ATRX: variants seen among roughly 807,000 people sequenced by gnomAD.
ATRX encodes the protein chromatin remodeler ATRX.
A neutral mutation model predicts 172.6 loss-of-function variants in ATRX; 12 were observed. The observed-to-expected ratio is 0.07, with a 90% confidence interval of 0.04 to 0.11. The LOEUF is 0.11. Among genes scored for constraint, ATRX ranks in the 10% least tolerant of loss-of-function variants. The probability of loss-of-function intolerance (pLI) is 1.00; values close to 1 mark genes in which losing one functional copy is unlikely to be tolerated. For missense variants in ATRX, 1,368 were observed against 1,767.4 expected (o/e 0.77, Z 4.05); for synonymous variants, 674 against 594.7 (o/e 1.13, Z -1.94).
At chrX:77,663,970 G>A (rs1219586053) in intron 11 of ATRX, among the ~76,000 whole-genome samples, 5 of 109,820 alleles carry the variant, frequency 4.6e-5, no homozygotes, top group African/African-American at 9.9e-5. Context: ...GTGTGGTGGC[G>A]CATGCCTATA....
At chrX:77,571,681 T>C (rs782327512) in intron 28 of ATRX, among the ~76,000 whole-genome samples, 4 of 111,485 alleles carry the variant, frequency 3.6e-5, no homozygotes, top group Non-Finnish European at 7.6e-5. Context: ...TATGCAAACA[T>C]TGAAACACTG....
chrX:77,654,025 A>C, intron 14 of ATRX, 73 bp downstream of exon 14: 1 of 854,235 alleles, frequency 1.2e-6, no homozygotes, highest in Non-Finnish European at 1.7e-6. Flanking sequence ...AATGGAACAG[A>C]GAGGTAACAG....
intron 27 of ATRX, among the ~76,000 whole-genome samples, chrX:77,574,716 G>A (rs1195574566): frequency 1.8e-5 from 2 of 111,525 alleles, no homozygotes; most frequent in East Asian, 2.8e-4. Flanking sequence ...AAATGGCCAC[G>A]TTTTTCTCCT....
intron 15 of ATRX, among the ~76,000 whole-genome samples, chrX:77,646,783 G>T (rs1267874003): frequency 9.1e-6 from 1 of 109,462 alleles, no homozygotes; most frequent in African/African-American, 3.3e-5. Context: ...AATTAGCTGG[G>T]GTGGTGGCAT....
chrX:77,688,990 C>T, intron 6 of ATRX, 63 bp from the exon 7 acceptor site: 1 of 919,948 alleles, frequency 1.1e-6, no homozygotes, highest in Non-Finnish European at 1.6e-6. Flanking sequence ...TTACTTTAGT[C>T]AGCATTTTGT....
chrX:77,665,696 A>C (rs1418850371), intron 10 of ATRX, among the ~76,000 whole-genome samples: 1 of 112,275 alleles, frequency 8.9e-6, no homozygotes, highest in African/African-American at 3.2e-5. Context: ...TTTGTGCAAG[A>C]CAAGATGTTT....
chrX:77,604,338 C>A (rs782266820), intron 22 of ATRX, among the ~76,000 whole-genome samples: 1 of 111,916 alleles, frequency 8.9e-6, no homozygotes, highest in South Asian at 3.7e-4. Flanking sequence ...GGGCAAAAGA[C>A]ATAAATAGAC....
intron 19 of ATRX, among the ~76,000 whole-genome samples, chrX:77,621,847 A>AC (rs2067596429): frequency 1.2e-3 from 136 of 109,403 alleles, no homozygotes; most frequent in Admixed American, 7.5e-3. Flanking sequence ...ATAGTAAAAA[A>AC]AAACAACAAC....
intron 1 of ATRX, among the ~76,000 whole-genome samples, chrX:77,720,227 G>T (rs1216690166): frequency 4.5e-5 from 5 of 111,617 alleles, no homozygotes; most frequent in Non-Finnish European, 1.9e-5. Flanking sequence ...AGAGAAAGCA[G>T]GAAATATCTA....
intron 15 of ATRX, among the ~76,000 whole-genome samples, chrX:77,651,237 A>AAAAAAAAAAAAAAAAAAT (rs1557116675): frequency 9.6e-6 from 1 of 103,859 alleles, no homozygotes; most frequent in African/African-American, 3.5e-5. Context: ...AAAAAAAAAA[A>AAAAAAAAAAAAAAAAAAT]AAAAAAAAAA....
At chrX:77,780,377 G>A (rs1356236191) in intron 1 of ATRX, among the ~76,000 whole-genome samples, 2 of 110,381 alleles carry the variant, frequency 1.8e-5, no homozygotes, top group East Asian at 5.8e-4. Flanking sequence ...TGTCGCCCAG[G>A]CTGCAGTGGC....
intron 27 of ATRX, among the ~76,000 whole-genome samples, chrX:77,578,031 A>T (rs985698275): frequency 2.7e-5 from 3 of 111,602 alleles, no homozygotes; most frequent in Non-Finnish European, 5.6e-5. Flanking sequence ...GAATCAGTGC[A>T]CTTGCGGGAA....
At chrX:77,599,390 G>A (rs2148139742) in intron 25 of ATRX, 21 bp downstream of exon 25, 2 of 1,207,165 alleles carry the variant, frequency 1.7e-6, no homozygotes, top group Non-Finnish European at 2.2e-6. Flanking sequence ...CCATGATAAA[G>A]GCAACATTCA....
intron 1 of ATRX, among the ~76,000 whole-genome samples, chrX:77,767,912 A>G (rs2148934262): frequency 8.9e-6 from 1 of 111,773 alleles, no homozygotes; most frequent in African/African-American, 3.2e-5. Flanking sequence ...CGATTGTTAT[A>G]TAACTCAACA....
In ATRX at chrX:77,654,203, G is replaced by A. The variant is rs1420618756; in HGVS notation, c.4215-3C>T. 1.7e-6 allele frequency: 2 copies of A among 1,189,358 alleles called. No individual in the cohort carries two copies. Among genetic ancestry groups the A allele is most frequent in the Non-Finnish European group, 2.3e-6 (2 of 877,610 alleles). ...CCAACTCTGCTTTCTTTGCAGACCT[G>A]ACGAAAATTTAAAACACAAAATAAA... On this transcript the variant is annotated splice_region_variant and splice_polypyrimidine_tract_variant and intron_variant, in intron 13 of 34. Transcript: ENST00000373344.
At chrX:77,515,001 T>C (rs1197057285) in intron 34 of ATRX, among the ~76,000 whole-genome samples, 6 of 111,930 alleles carry the variant, frequency 5.4e-5, no homozygotes, top group Non-Finnish European at 1.1e-4. Context: ...AACAATCATA[T>C]GAAAAAAAGC....
chrX:77,637,193 C>CA (rs1397996064), intron 15 of ATRX, among the ~76,000 whole-genome samples: 2 of 112,011 alleles, frequency 1.8e-5, no homozygotes, highest in Non-Finnish European at 3.8e-5. Flanking sequence ...TATTTAGAAA[C>CA]ACTGGTTTCA....
chrX:77,632,384 C>T (rs782348622), intron 19 of ATRX, among the ~76,000 whole-genome samples: 104 of 111,321 alleles, frequency 9.3e-4, no homozygotes, highest in Non-Finnish European at 1.7e-3. Flanking sequence ...AACAATAAAC[C>T]AGCCACAAGA....
intron 15 of ATRX, among the ~76,000 whole-genome samples, chrX:77,636,990 GA>G (rs201467014): frequency 1.1e-5 from 1 of 94,731 alleles, no homozygotes; most frequent in African/African-American, 5.1e-5. Flanking sequence ...GAAGAAGAAG[GA>G]AGGAGGAGGA....
Sources: allele counts gnomAD v4.1 joint callset (sites outside exome capture counted in the v4.1 genomes callset), GRCh38; gene constraint gnomAD v4.1.1; transcripts MANE v1.5; gene names NCBI Gene and HGNC (gene_info 2026-07-23, HGNC 2026-07-21).